Variants in KLK6 observed in about 807,000 individuals in gnomAD.
The protein encoded by KLK6 is kallikrein related peptidase 6, also known as kallikrein-6.
KLK6 carries 16 observed loss-of-function variants against 21.7 expected under a neutral mutation model. The ratio of observed to expected loss-of-function variants is 0.74; its 90% CI spans 0.50 to 1.12. The LOEUF (loss-of-function observed/expected upper bound fraction) is 1.12, where lower values mean the gene tolerates loss of function less well. Ranked by LOEUF, KLK6 falls within the 50% of genes most tolerant of loss-of-function variation. KLK6 has a pLI of 0.00. For synonymous variants in KLK6, 116 were observed against 120.1 expected (o/e 0.97, Z 0.22); for missense variants, 276 against 304.6 (o/e 0.91, Z 0.70).
At chr19:50,962,095 C>A in intron 5 of KLK6, 1 of 496,996 alleles carries the variant, frequency 2.0e-6, no homozygotes, top group South Asian at 3.1e-5. Context: ...CCCCCATTGG[C>A]TGTCTTCCTC....
At chr19:50,967,087 C>T in intron 4 of KLK6, 82 bp downstream of exon 4, 3 of 1,490,998 alleles carry the variant, frequency 2.0e-6, no homozygotes, top group Non-Finnish European at 2.8e-6. Flanking sequence ...GGGGGGGATG[C>T]CTATGTCACC....
chr19:50,963,413 G>A lies in KLK6; in HGVS notation c.334C>T (p.Leu112=). 1.2e-6 allele frequency: 2 copies of A among 1,614,224 alleles called. No homozygotes were observed. The highest frequency in any genetic ancestry group is 1.7e-6 in the Non-Finnish European group (2 of 1,180,042). The change falls in exon 5 of 7, where the codon CTG becomes TTG. Residue 112 remains leucine, a synonymous_variant. Transcript: ENST00000310157. ...TCAGAGAGTTTGGCTGGGCGTGCCA[G>A]GCGCAACAGCATGATGTCCTGGTCA... The part of the protein sequence containing the change: ...SHDQDIMLLR[L]ARPAKLSELI...
intron 5 of KLK6, 43 bp downstream of exon 5, chr19:50,963,259 A>G: frequency 6.3e-7 from 1 of 1,586,038 alleles, no homozygotes; most frequent in Non-Finnish European, 8.6e-7. Flanking sequence ...ACACTTCCCC[A>G]AGTAGCCAGT....
rs756725993 is a variant in KLK6, at chr19:50,963,416, G to A, written c.331C>T (p.Arg111Cys). The A allele has an allele frequency of 1.4e-5, 23 of 1,614,114 alleles. No homozygotes were observed. The highest frequency in any genetic ancestry group is 2.2e-5 in the South Asian group (2 of 91,088). Residue 111 changes from arginine to cysteine, a missense_variant, in exon 5 of 7, where the codon CGC (arginine) becomes TGC (cysteine). Physicochemically the swap from Arg to Cys is radical, Grantham distance 180. Coordinates refer to ENST00000310157, the MANE Select transcript of KLK6 (RefSeq NM_002774.4). ...ASHDQDIMLL[R>C]LARPAKLSEL... Reference sequence around the variant, plus strand: ...GAGAGTTTGGCTGGGCGTGCCAGGCGCAACAGCATGATGTCCTGGTCATGG... The same window carrying A: ...GAGAGTTTGGCTGGGCGTGCCAGGCACAACAGCATGATGTCCTGGTCATGG...
At chr19:50,965,225 C>T (rs1252350882) in intron 4 of KLK6, among the ~76,000 whole-genome samples, 2 of 152,066 alleles carry the variant, frequency 1.3e-5, no homozygotes, top group South Asian at 2.1e-4. Flanking sequence ...GCCTCGGCCT[C>T]CCAAAGTGCT....
At position 50,967,198 on chromosome 19, in the gene KLK6, C is replaced by T. The variant is rs2090939853; in HGVS notation, c.168G>A (p.Trp56Ter). The part of the protein sequence containing the change: ...LCGGVLIHPL[W>*]VLTAAHCKKP... ...TTTTGCAGTGGGCAGCTGTGAGGAC[C>T]CACAGTGGATGGATAAGGACCCCAC... The change falls in exon 4 of 7, where the codon TGG becomes TGA. Residue 56 changes from tryptophan to a stop codon, truncating the protein, a stop_gained. Coordinates refer to ENST00000310157, the MANE Select transcript of KLK6 (RefSeq NM_002774.4). LOFTEE classifies it high-confidence loss of function. The T allele has an allele frequency of 6.2e-7, 1 of 1,613,886 alleles. No individual in the cohort carries two copies.
intron 4 of KLK6, 90 bp downstream of exon 4, chr19:50,967,079 G>C (rs2090938012): frequency 7.0e-7 from 1 of 1,436,572 alleles, no homozygotes; most frequent in African/African-American, 1.4e-5. Context: ...GCTGGGATGG[G>C]GGGGATGCCT....
chr19:50,964,563 T>C (rs1051656476), intron 4 of KLK6, among the ~76,000 whole-genome samples: 1 of 152,242 alleles, frequency 6.6e-6, no homozygotes, highest in African/African-American at 2.4e-5. Context: ...TTCATTAATT[T>C]CAATGTAATT....
At chr19:50,968,490 T>G (rs866113510) in intron 2 of KLK6, 51 bp downstream of exon 2, 4 of 258,216 alleles carry the variant, frequency 1.5e-5, no homozygotes, top group African/African-American at 8.8e-5. Flanking sequence ...CTGTGCGCAA[T>G]GGCCACCCAC....
intron 4 of KLK6, among the ~76,000 whole-genome samples, chr19:50,966,617 A>G (rs1250411116): frequency 1.3e-5 from 2 of 152,216 alleles, no homozygotes; most frequent in South Asian, 2.1e-4. Flanking sequence ...CCTGGCCAAC[A>G]TGGTGAAACC....
chr19:50,967,991 A>G, intron 3 of KLK6, 74 bp downstream of exon 3: 2 of 1,230,842 alleles, frequency 1.6e-6, no homozygotes, highest in Non-Finnish European at 2.3e-6. Flanking sequence ...CCCCATCCCC[A>G]ATACCAGCCT....
In KLK6 at chr19:50,968,120, G is replaced by A. The variant is rs558075973; in HGVS notation, c.-8-8C>T. On this transcript the variant is annotated splice_region_variant and splice_polypyrimidine_tract_variant and intron_variant, in intron 2 of 6. Coordinates refer to ENST00000310157, the MANE Select transcript of KLK6 (RefSeq NM_002774.4). ...GCTTCTTCATGGCCGCTCCTGAGAGGGGAAGCCACATGGTCCATTAGTCAC... is the reference window on the plus strand; with the variant it reads ...GCTTCTTCATGGCCGCTCCTGAGAGAGGAAGCCACATGGTCCATTAGTCAC... 6.2e-6 allele frequency: 10 copies of A among 1,613,720 alleles called. No homozygotes were observed. The highest frequency in any genetic ancestry group is 5.5e-5 in the South Asian group (5 of 91,046).
intron 4 of KLK6, among the ~76,000 whole-genome samples, chr19:50,966,627 C>A (rs945328255): frequency 2.0e-5 from 3 of 152,162 alleles, no homozygotes; most frequent in Non-Finnish European, 4.4e-5. Flanking sequence ...ATGGTGAAAC[C>A]CCGTCTCTAC....
chr19:50,967,149 C>A lies in KLK6; in HGVS notation c.197+20G>T, dbSNP rs1414055382. On this transcript the variant is annotated intron_variant, in intron 4 of 6. Coordinates refer to ENST00000310157, the MANE Select transcript of KLK6 (RefSeq NM_002774.4). Reference sequence around the variant, plus strand: ...TCAGGGTTCAGTCGCATCTGCTGTTCATTTACAGTGTAGACTCACGGTTTT... The same window carrying A: ...TCAGGGTTCAGTCGCATCTGCTGTTAATTTACAGTGTAGACTCACGGTTTT... 5.0e-6 allele frequency: 8 copies of A among 1,613,858 alleles called. No individual in the cohort carries two copies. Among genetic ancestry groups the A allele is most frequent in the Non-Finnish European group, 6.8e-6 (8 of 1,179,894 alleles).
intron 4 of KLK6, among the ~76,000 whole-genome samples, 177 bp downstream of exon 4, chr19:50,966,992 A>G (rs2122163230): frequency 6.6e-6 from 1 of 152,064 alleles, no homozygotes; most frequent in Non-Finnish European, 1.5e-5. Context: ...TTCCACTGCT[A>G]TGCCCGCAGG....
intron 5 of KLK6, chr19:50,962,138 C>T (rs766429565): frequency 5.2e-5 from 21 of 402,172 alleles, no homozygotes; most frequent in African/African-American, 3.3e-4. Flanking sequence ...GTCCTCATTT[C>T]CTATTGGTTT....
At chr19:50,959,340 A>G (rs1018105774) in intron 6 of KLK6, 24 bp from the exon 7 acceptor site, 3 of 1,608,428 alleles carry the variant, frequency 1.9e-6, no homozygotes, top group Non-Finnish European at 2.5e-6. Flanking sequence ...GGAGAAAGTC[A>G]GATACAGATA....
At chr19:50,968,378 A>G (rs2090960206) in intron 2 of KLK6, 163 bp downstream of exon 2, 3 of 544,908 alleles carry the variant, frequency 5.5e-6, no homozygotes, top group Non-Finnish European at 9.9e-6. Flanking sequence ...AGATCTTTCT[A>G]CTTTCTTGGG....
chr19:50,959,195 T>G lies in KLK6; in HGVS notation c.704A>C (p.Asn235Thr). The change falls in exon 7 of 7, where the codon AAC (asparagine) becomes ACC (threonine). Residue 235 changes from asparagine (N) to threonine (T), a missense_variant. Transcript: ENST00000310157. ...GGCCTGAATGGTTTTTTGGATCCAG[T>G]TCGTGTATCTGCAGACGTTGGTGTA... is the stretch of plus-strand genomic sequence containing the variant. ...GVYTNVCRYT[N>T]WIQKTIQAK is the part of the protein sequence containing the mutation. 1 of 1,614,090 alleles carries G rather than the reference T, an allele frequency of 6.2e-7. No homozygotes were observed. The highest frequency in any genetic ancestry group is 2.2e-5 in the East Asian group (1 of 44,876).
Sources: allele counts gnomAD v4.1 joint callset (sites outside exome capture counted in the v4.1 genomes callset), GRCh38; gene constraint gnomAD v4.1.1; transcripts MANE v1.5; gene names NCBI Gene and HGNC (gene_info 2026-07-23, HGNC 2026-07-21).